SLC4A5: variants seen among roughly 807,000 people sequenced by gnomAD.
SLC4A5 encodes the protein solute carrier family 4 member 5.
SLC4A5 carries 96 observed loss-of-function variants against 120.4 expected under a neutral mutation model. The observed-to-expected ratio is 0.80, with a 90% confidence interval of 0.68 to 0.94. SLC4A5 has a LOEUF of 0.94. Ranked by LOEUF, SLC4A5 falls within the 40% of genes least tolerant of loss-of-function variation. The pLI is 0.00. For missense variants in SLC4A5, 1,259 were observed against 1,459.5 expected, an observed-to-expected ratio of 0.86 and a Z score of 2.24; for synonymous variants, 550 against 571.1, an observed-to-expected ratio of 0.96 and a Z score of 0.53.
intron 4 of SLC4A5, 52 bp downstream of exon 4, chr2:74,333,975 T>C (rs1395094255): frequency 6.6e-6 from 1 of 152,240 alleles, no homozygotes; most frequent in African/African-American, 2.4e-5. Flanking sequence ...CTGGCAGGCT[T>C]ATCTAGAACC....
chr2:74,283,823 T>G (rs920090025), intron 8 of SLC4A5, among the ~76,000 whole-genome samples: 16 of 151,784 alleles, frequency 1.1e-4, no homozygotes, highest in Non-Finnish European at 2.1e-4. Context: ...ACACTCGACC[T>G]GACAAATCTT....
chr2:74,265,278 G>A lies in SLC4A5; in HGVS notation c.402-14C>T, dbSNP rs1428685693. The A allele has an allele frequency of 6.2e-7, 1 of 1,612,402 alleles. No individual in the cohort carries two copies. The highest frequency in any genetic ancestry group is 8.5e-7 in the Non-Finnish European group (1 of 1,178,884). On this transcript the variant is annotated splice_polypyrimidine_tract_variant and intron_variant, in intron 8 of 30. Transcript: ENST00000394019. Reference sequence around the variant, plus strand: ...AACTTTATCCACCTGGAAGGGTAAGGATGGGGCTCAGTGTGGCCAGGGCCC... The same window carrying A: ...AACTTTATCCACCTGGAAGGGTAAGAATGGGGCTCAGTGTGGCCAGGGCCC...
At chr2:74,319,592 T>C (rs1279202614) in intron 5 of SLC4A5, 1 of 152,130 alleles carries the variant, frequency 6.6e-6, no homozygotes, top group Non-Finnish European at 1.5e-5. Flanking sequence ...GAAACCCAAT[T>C]AGTTGTACTC....
chr2:74,264,382 G>A, intron 9 of SLC4A5, 83 bp from the exon 10 acceptor site: 8 of 1,479,352 alleles, frequency 5.4e-6, no homozygotes, highest in Non-Finnish European at 7.3e-6. Context: ...CCTGTTATTA[G>A]TGGGATTAAA....
intron 12 of SLC4A5, among the ~76,000 whole-genome samples, chr2:74,256,677 G>A (rs555399778): frequency 1.2e-4 from 19 of 152,316 alleles, no homozygotes; most frequent in East Asian, 3.9e-4. Context: ...CACTCTCTGC[G>A]TTTATAACTT....
chr2:74,233,970 A>G (rs1391837716), intron 22 of SLC4A5, among the ~76,000 whole-genome samples: 1 of 152,202 alleles, frequency 6.6e-6, no homozygotes, highest in Non-Finnish European at 1.5e-5. Context: ...CCTGTCTGGG[A>G]GCATTATAGA....
At chr2:74,319,652 G>A (rs897995955) in intron 5 of SLC4A5, among the ~76,000 whole-genome samples, 1 of 152,030 alleles carries the variant, frequency 6.6e-6, no homozygotes, top group Non-Finnish European at 1.5e-5. Context: ...TTGCAATATA[G>A]TGCATTCTCT....
intron 20 of SLC4A5, among the ~76,000 whole-genome samples, chr2:74,240,074 G>A (rs1360087807): frequency 2.0e-5 from 3 of 149,828 alleles, no homozygotes; most frequent in Non-Finnish European, 4.4e-5. Flanking sequence ...TGTACTGTGA[G>A]ACACACTCTG....
rs1573112125 is a variant in SLC4A5, at chr2:74,331,119, G to A, written c.-70+2908C>T. The stretch of plus-strand genomic sequence containing the variant: ...GTGACGTATAGATGGTGGTGGTGAG[G>A]TGTAGATGGAGGAGGTGAGGTCTAG... On this transcript the variant is annotated intron_variant, in intron 4 of 30. Coordinates refer to ENST00000394019, the Ensembl canonical transcript of SLC4A5. Among the ~76,000 whole-genome samples, 3 of 150,902 alleles carry A rather than the reference G, an allele frequency of 2.0e-5. No homozygotes were observed. The South Asian group carries it at 6.3e-4, about 32-fold the overall frequency.
At chr2:74,248,584 A>C in intron 17 of SLC4A5, 98 bp from the exon 18 acceptor site, 1 of 1,425,454 alleles carries the variant, frequency 7.0e-7, no homozygotes, top group East Asian at 2.4e-5. Context: ...CCCAGGCCAC[A>C]GTGTTTATCC....
At chr2:74,257,690 G>A (rs1237164536) in intron 12 of SLC4A5, among the ~76,000 whole-genome samples, 1 of 152,012 alleles carries the variant, frequency 6.6e-6, no homozygotes, top group Admixed American at 6.6e-5. Context: ...AGCAGTTCTC[G>A]TGCCTGTCTG....
intron 21 of SLC4A5, 149 bp from the exon 22 acceptor site, chr2:74,235,363 T>C: frequency 1.6e-6 from 1 of 618,060 alleles, no homozygotes. Flanking sequence ...GCTCTGCTCC[T>C]TGCTAACTGT....
At chr2:74,283,485 T>C (rs1214387745) in intron 8 of SLC4A5, among the ~76,000 whole-genome samples, 5 of 152,188 alleles carry the variant, frequency 3.3e-5, no homozygotes, top group African/African-American at 4.8e-5. Context: ...CAGGGACTTA[T>C]TTACTAGTAC....
chr2:74,219,937 C>T (rs924351504), intron 30 of SLC4A5, among the ~76,000 whole-genome samples: 7 of 152,106 alleles, frequency 4.6e-5, no homozygotes, highest in African/African-American at 9.7e-5. Context: ...AAAAGTGTGT[C>T]GTTTCACCCT....
chr2:74,336,976 C>A (rs183955429), intron 3 of SLC4A5, among the ~76,000 whole-genome samples: 1 of 152,274 alleles, frequency 6.6e-6, no homozygotes, highest in African/African-American at 2.4e-5. Context: ...CTGGCCTAGA[C>A]CTAGACCAAA....
chr2:74,289,741 T>C (rs940056592), intron 7 of SLC4A5, among the ~76,000 whole-genome samples: 1 of 152,220 alleles, frequency 6.6e-6, no homozygotes, highest in Non-Finnish European at 1.5e-5. Flanking sequence ...CCTTATTTTT[T>C]CTTAAAATTG....
At chr2:74,250,824 G>A in intron 16 of SLC4A5, 1 of 299,876 alleles carries the variant, frequency 3.3e-6, no homozygotes, top group Non-Finnish European at 6.3e-6. Flanking sequence ...GTCCACAGAT[G>A]GTGGTCCTCC....
At chr2:74,299,243 C>T (rs1326869833) in intron 7 of SLC4A5, among the ~76,000 whole-genome samples, 2 of 152,096 alleles carry the variant, frequency 1.3e-5, no homozygotes, top group Admixed American at 6.5e-5. Flanking sequence ...CCCAGATACT[C>T]GGGAGGCTGA....
chr2:74,256,440 G>A (rs934925421), intron 12 of SLC4A5, among the ~76,000 whole-genome samples: 6 of 152,166 alleles, frequency 3.9e-5, no homozygotes, highest in Admixed American at 3.9e-4. Context: ...AGGAATTCCT[G>A]GACCAGTCTC....
Sources: gnomAD v4.1 joint callset for allele counts (sites outside exome capture counted in the v4.1 genomes callset) on GRCh38, gnomAD v4.1.1 for gene constraint, MANE v1.5 for transcripts, NCBI Gene and HGNC (gene_info 2026-07-23, HGNC 2026-07-21) for gene names.